Variants in HMGXB4 observed in about 807,000 individuals in gnomAD.
HMGXB4 encodes the protein HMG domain-containing protein 4.
In HMGXB4, 27 loss-of-function variants were observed where a neutral mutation model predicts 63.9. That is an observed-to-expected ratio of 0.42 (90% CI 0.31 to 0.58). The LOEUF is 0.58. Ranked by LOEUF, HMGXB4 falls within the 20% of genes least tolerant of loss-of-function variation. HMGXB4 has a pLI of 0.13. For missense variants in HMGXB4, 624 were observed against 700.7 expected (o/e 0.89, Z 1.24); for synonymous variants, 264 against 265.3 (o/e 0.99, Z 0.05).
chr22:35,270,704 A>G (rs1923553475), intron 5 of HMGXB4, among the ~76,000 whole-genome samples: 1 of 152,230 alleles, frequency 6.6e-6, no homozygotes, highest in Non-Finnish European at 1.5e-5. Flanking sequence ...CTTATCTATA[A>G]TTTGCCCATG....
chr22:35,286,987 T>C (rs985399606), intron 7 of HMGXB4: 2 of 178,496 alleles, frequency 1.1e-5, no homozygotes, highest in East Asian at 1.4e-4. Flanking sequence ...TTCCTTGTTA[T>C]TGTTATTCTG....
At chr22:35,288,646 C>T (rs1924738584) in intron 9 of HMGXB4, among the ~76,000 whole-genome samples, 2 of 152,098 alleles carry the variant, frequency 1.3e-5, no homozygotes, top group Non-Finnish European at 2.9e-5. Flanking sequence ...GAAACAATGG[C>T]ACAAAAAGAA....
chr22:35,241,827 G>A, the HMGXB4 span, among the ~76,000 whole-genome samples: 1 of 152,192 alleles, frequency 6.6e-6, no homozygotes, highest in Non-Finnish European at 1.5e-5. Context: ...GGGTCTGTGG[G>A]TCCTCTCAGG....
intron 2 of HMGXB4, 72 bp from the exon 3 acceptor site, chr22:35,263,006 C>T (rs1302577636): frequency 1.4e-6 from 2 of 1,386,806 alleles, no homozygotes; most frequent in Non-Finnish European, 2.0e-6. Context: ...TGTTGCATTA[C>T]CTGCATGACG....
At chr22:35,285,813 CA>C (rs1489881482) in intron 6 of HMGXB4, among the ~76,000 whole-genome samples, 183 bp from the exon 7 acceptor site, 1 of 152,204 alleles carries the variant, frequency 6.6e-6, no homozygotes, top group African/African-American at 2.4e-5. Flanking sequence ...ACCATCAAAA[CA>C]TCCCCTTCCC....
rs1360173799 is a variant in HMGXB4 at position 35,279,658 on chromosome 22, G to A, written c.1216-4304G>A. On this transcript the variant is annotated intron_variant, in intron 5 of 10. Transcript: ENST00000216106. ...TTTTGAGTTAATTTGTGAAGGGGGTGAGGTCTGTGTCTAGATTCCTTTTTT... is the reference window on the plus strand; with the variant it reads ...TTTTGAGTTAATTTGTGAAGGGGGTAAGGTCTGTGTCTAGATTCCTTTTTT... 4.8e-5 allele frequency among the ~76,000 whole-genome samples: 7 copies of A among 147,032 alleles called. No homozygotes were observed. The East Asian group carries it at 1.2e-3, about 25-fold the overall frequency.
chr22:35,276,214 T>A (rs1273437863), intron 5 of HMGXB4, among the ~76,000 whole-genome samples: 1 of 152,148 alleles, frequency 6.6e-6, no homozygotes, highest in African/African-American at 2.4e-5. Flanking sequence ...GTAGTCAGAG[T>A]TTCCCTTGAA....
chr22:35,275,884 A>G (rs1923888588), intron 5 of HMGXB4, among the ~76,000 whole-genome samples: 1 of 152,222 alleles, frequency 6.6e-6, no homozygotes, highest in African/African-American at 2.4e-5. Flanking sequence ...TACTAATAAT[A>G]AAGTATCCAA....
Position 35,286,076 on chromosome 22 carries a change from T to C in HMGXB4, c.1362+15T>C. ...AAGACAAACTGGTAAGTACATTTTCTTACAAACATATTTTTCAGTGCTTCT... is the reference window on the plus strand; with the variant it reads ...AAGACAAACTGGTAAGTACATTTTCCTACAAACATATTTTTCAGTGCTTCT... On this transcript the variant is annotated intron_variant, in intron 7 of 10. Transcript: ENST00000216106. 6.3e-7 allele frequency: 1 copy of C among 1,584,524 alleles called. No homozygotes were observed. The highest frequency in any genetic ancestry group is 8.6e-7 in the Non-Finnish European group (1 of 1,160,878).
At chr22:35,262,245 C>T (rs184292790) in intron 1 of HMGXB4, 78 bp from the exon 2 acceptor site, 2 of 774,426 alleles carry the variant, frequency 2.6e-6, no homozygotes, top group Non-Finnish European at 4.5e-6. Context: ...CCTTGGATCA[C>T]TGCGCATTTC....
the HMGXB4 span, among the ~76,000 whole-genome samples, chr22:35,245,030 G>A: frequency 3.9e-5 from 6 of 152,068 alleles, no homozygotes; most frequent in East Asian, 9.7e-4. Context: ...CCGCCACCAC[G>A]CCCGGCTAAC....
At chr22:35,286,512 A>G (rs1924585803) in intron 7 of HMGXB4, among the ~76,000 whole-genome samples, 1 of 152,196 alleles carries the variant, frequency 6.6e-6, no homozygotes, top group African/African-American at 2.4e-5. Flanking sequence ...ACCATTACCA[A>G]ATAATGTACT....
the HMGXB4 span, among the ~76,000 whole-genome samples, chr22:35,242,530 G>GCTCTCTCTCTCT: frequency 2.1e-5 from 3 of 145,974 alleles, no homozygotes; most frequent in African/African-American, 7.6e-5. Flanking sequence ...ATAGTAATCT[G>GCTCTCTCTCTCT]CTCTCTCTCT....
chr22:35,273,022 C>T (rs1166250963), intron 5 of HMGXB4, among the ~76,000 whole-genome samples: 1 of 152,198 alleles, frequency 6.6e-6, no homozygotes, highest in Non-Finnish European at 1.5e-5. Context: ...CACATTTTCT[C>T]TAAACCTAAG....
the HMGXB4 span, among the ~76,000 whole-genome samples, chr22:35,249,067 C>A: frequency 3.3e-5 from 5 of 151,306 alleles, no homozygotes; most frequent in Non-Finnish European, 7.4e-5. Context: ...ATTTTCTTTT[C>A]TTTTTTTTTG....
intron 1 of HMGXB4, among the ~76,000 whole-genome samples, chr22:35,257,761 AAGG>A (rs1922525252): frequency 6.6e-6 from 1 of 152,210 alleles, no homozygotes; most frequent in South Asian, 2.1e-4. Flanking sequence ...GAGCGGGCAG[AAGG>A]AGGAGGGCGG....
chr22:35,266,027 G>A (rs1480249576), intron 5 of HMGXB4, among the ~76,000 whole-genome samples: 1 of 150,244 alleles, frequency 6.7e-6, no homozygotes, highest in Non-Finnish European at 1.5e-5. Flanking sequence ...GACCTCAAGT[G>A]ATCCACCCAC....
chr22:35,275,023 A>G (rs561137713), intron 5 of HMGXB4, among the ~76,000 whole-genome samples: 2 of 151,810 alleles, frequency 1.3e-5, no homozygotes, highest in Non-Finnish European at 2.9e-5. Context: ...AACTTACTTC[A>G]TAGGGTTGTT....
In HMGXB4 at chr22:35,263,263, C is replaced by G. The variant is rs778316700; in HGVS notation, c.180+37C>G. 1.4e-5 allele frequency: 21 copies of G among 1,526,474 alleles called. No homozygotes were observed. In the African/African-American group the frequency reaches 2.1e-4, roughly 15 times the overall value. 94.6% of individuals were successfully genotyped at this position (1,526,474 alleles called of 1,614,324 possible). ...AAATTTAAATTAGGAAAGTCTTAAA[C>G]TACTCATTTTTTTTTGGTGATGCAG... On this transcript the variant is annotated intron_variant, in intron 3 of 10. Transcript: ENST00000216106.
Sources: gnomAD v4.1 joint callset for allele counts (sites outside exome capture counted in the v4.1 genomes callset) on GRCh38, gnomAD v4.1.1 for gene constraint, MANE v1.5 for transcripts, NCBI Gene and HGNC (gene_info 2026-07-23, HGNC 2026-07-21) for gene names.